NODAL: variants seen among roughly 807,000 people sequenced by gnomAD.
NODAL encodes the protein nodal growth differentiation factor.
NODAL carries 12 observed loss-of-function variants against 34.0 expected under a neutral mutation model. That is an observed-to-expected ratio of 0.35 (90% CI 0.23 to 0.57). NODAL has a LOEUF of 0.57. Among genes scored for constraint, NODAL ranks in the 20% least tolerant of loss-of-function variants. The pLI is 0.83. For synonymous variants in NODAL, 162 were observed against 186.4 expected (o/e 0.87, Z 1.07); for missense variants, 390 against 444.2 (o/e 0.88, Z 1.10).
At chr10:70,440,310 C>CGGCCGCTTTTCGGTTGAGG (rs1191893019) in intron 1 of NODAL, among the ~76,000 whole-genome samples, 1 of 152,166 alleles carries the variant, frequency 6.6e-6, no homozygotes, top group Non-Finnish European at 1.5e-5. Context: ...CTCCCATCCC[C>CGGCCGCTTTTCGGTTGAGG]GGCCGCTTTT....
intron 2 of NODAL, 82 bp downstream of exon 2, chr10:70,435,202 CAT>C: frequency 8.3e-7 from 1 of 1,203,146 alleles, no homozygotes; most frequent in Non-Finnish European, 1.2e-6. Flanking sequence ...AATACAGGAA[CAT>C]AGTCATTTAA....
intron 1 of NODAL, among the ~76,000 whole-genome samples, chr10:70,438,210 C>T (rs1845381708): frequency 1.2e-4 from 18 of 152,290 alleles, no homozygotes; most frequent in African/African-American, 3.9e-4. Flanking sequence ...AGGAGAATCG[C>T]TTGAACCCAG....
At chr10:70,433,180 A>ATC in intron 2 of NODAL, 92 bp from the exon 3 acceptor site, 1 of 1,487,588 alleles carries the variant, frequency 6.7e-7, no homozygotes, top group Admixed American at 1.7e-5. Context: ...TTACGGAGTT[A>ATC]AAGTCAGTTC....
intron 1 of NODAL, among the ~76,000 whole-genome samples, chr10:70,437,157 G>C (rs141758841): frequency 3.3e-5 from 5 of 152,330 alleles, no homozygotes; most frequent in African/African-American, 1.2e-4. Flanking sequence ...TGACTTAATA[G>C]TGATGCCGGG....
chr10:70,432,141 G>A lies in NODAL; in HGVS notation c.*795C>T, dbSNP rs1233267605. On this transcript the variant is annotated 3_prime_UTR_variant, in exon 3 of 3. Coordinates refer to ENST00000287139, the MANE Select transcript of NODAL (RefSeq NM_018055.5). ...CCACTGCTGGATAGGAAGCTCAGAGGCCTCATTAATAGCACACATTGAGAG... is the reference window on the plus strand; with the variant it reads ...CCACTGCTGGATAGGAAGCTCAGAGACCTCATTAATAGCACACATTGAGAG... Among the ~76,000 whole-genome samples the A allele has an allele frequency of 6.6e-6, 1 of 152,220 alleles. No individual in the cohort carries two copies. Among genetic ancestry groups the A allele is most frequent in the Non-Finnish European group, 1.5e-5 (1 of 68,038 alleles).
chr10:70,444,329 CT>C (rs34924993), upstream of NODAL, among the ~76,000 whole-genome samples: 102,047 of 124,214 alleles, frequency 0.82, 41,768 homozygotes, highest in Middle Eastern at 0.89. Context: ...TCCAGTGATA[CT>C]TTTTTTTTTT....
chr10:70,441,554 T>A lies in NODAL; in HGVS notation c.114A>T (p.Pro38=). 6.3e-7 allele frequency: 1 copy of A among 1,586,946 alleles called. No individual in the cohort carries two copies. The highest frequency in any genetic ancestry group is 8.6e-7 in the Non-Finnish European group (1 of 1,168,160). The change falls in exon 1 of 3, where the codon CCA becomes CCT. Residue 38 remains proline, a synonymous_variant. Coordinates refer to ENST00000287139, the MANE Select transcript of NODAL (RefSeq NM_018055.5). Reference sequence around the variant, plus strand: ...GGCTCAGCATGTACGCCAGAGGGGATGGCGACGAGGGCTGCCCCCGCGTAC... The same window carrying A: ...GGCTCAGCATGTACGCCAGAGGGGAAGGCGACGAGGGCTGCCCCCGCGTAC... ...LLRTRGQPSS[P]SPLAYMLSLY...
chr10:70,446,967 G>A (rs983602228), intron 1 of NODAL, among the ~76,000 whole-genome samples: 5 of 151,814 alleles, frequency 3.3e-5, no homozygotes, highest in Non-Finnish European at 7.4e-5. Context: ...TATCTCCCCC[G>A]GTAAACTCCT....
At chr10:70,442,597 C>T (rs1321645851), upstream of NODAL, among the ~76,000 whole-genome samples, 1 of 152,182 alleles carries the variant, frequency 6.6e-6, no homozygotes, top group East Asian at 1.9e-4. Context: ...AAATCCCTGC[C>T]CCAGTGTCTG....
At chr10:70,445,614 G>T (rs144022696), upstream of NODAL, among the ~76,000 whole-genome samples, 58 of 152,294 alleles carry the variant, frequency 3.8e-4, no homozygotes, top group African/African-American at 1.4e-3. Context: ...CATTTATTGA[G>T]CACCTAATGC....
chr10:70,435,143 G>A, intron 2 of NODAL, 143 bp downstream of exon 2: 3 of 738,850 alleles, frequency 4.1e-6, no homozygotes, highest in Non-Finnish European at 6.8e-6. Context: ...CTACATGCCT[G>A]GTACCTAGCA....
chr10:70,436,565 A>C (rs1004307205), intron 1 of NODAL: 2 of 157,778 alleles, frequency 1.3e-5, no homozygotes, highest in African/African-American at 4.9e-5. Context: ...TCTCAAAAAA[A>C]AAAAAAAAAA....
At chr10:70,441,917 T>C (rs1329668562), upstream of NODAL, among the ~76,000 whole-genome samples, 1 of 152,168 alleles carries the variant, frequency 6.6e-6, no homozygotes, top group Admixed American at 6.5e-5. Context: ...TTGCCCGGTC[T>C]GGACACCCTG....
exon 1 of NODAL, chr10:70,447,928 A>T: frequency 2.1e-6 from 1 of 471,110 alleles, no homozygotes; most frequent in Non-Finnish European, 4.4e-6. Flanking sequence ...TTCTACCTTT[A>T]GTCTGTATCC....
chr10:70,436,466 G>A (rs909054778), intron 1 of NODAL: 1 of 216,052 alleles, frequency 4.6e-6, no homozygotes, highest in Non-Finnish European at 9.1e-6. Context: ...CCAGCCACTC[G>A]AGAATCATTT....
At chr10:70,433,300 C>T (rs1309355606) in intron 2 of NODAL, among the ~76,000 whole-genome samples, 3 of 152,056 alleles carry the variant, frequency 2.0e-5, no homozygotes, top group African/African-American at 7.2e-5. Flanking sequence ...TTTGTGAAAA[C>T]AGCCTTTAAA....
Position 70,435,404 on chromosome 10 carries a change from A to G in NODAL, c.773T>C (p.Leu258Pro). 1 of 1,614,208 alleles carries G rather than the reference A, an allele frequency of 6.2e-7. No individual in the cohort carries two copies. The highest frequency in any genetic ancestry group is 8.5e-7 in the Non-Finnish European group (1 of 1,180,032). Residue 258 changes from leucine to proline, a missense_variant, in exon 2 of 3, where the codon CTG (leucine) becomes CCG (proline). By Grantham distance (98) the Leu-to-Pro change is moderately conservative. Transcript: ENST00000287139. ...RKVKFQVDFN[L>P]IGWGSWIIYP... ...GATGATCCAGGAGCCCCATCCGATC[A>G]GGTTGAAGTCCACCTGGAACTTGAC...
upstream of NODAL, among the ~76,000 whole-genome samples, chr10:70,442,253 A>C (rs1336253014): frequency 6.6e-6 from 1 of 152,226 alleles, no homozygotes; most frequent in Non-Finnish European, 1.5e-5. Context: ...GGCAGGAGGG[A>C]CCAGGACGAT....
At position 70,441,627 on chromosome 10, in the gene NODAL, C is replaced by A; in HGVS notation, c.41G>T (p.Trp14Leu). Reference sequence around the variant, plus strand: ...CGCAGCACCCGCCTGGAGTAGGGCCCACCAGGCGTGCAGAAGGAAGGGCAG... The same window carrying A: ...CGCAGCACCCGCCTGGAGTAGGGCCAACCAGGCGTGCAGAAGGAAGGGCAG... ...HCLPFLLHAWWALLQAGAATV... is the reference protein window; with the variant it reads ...HCLPFLLHAWLALLQAGAATV... The change falls in exon 1 of 3, where the codon TGG (tryptophan) becomes TTG (leucine). Residue 14 changes from tryptophan to leucine, a missense_variant. By Grantham distance (61) the Trp-to-Leu change is moderately conservative. Coordinates refer to ENST00000287139, the MANE Select transcript of NODAL (RefSeq NM_018055.5). The A allele has an allele frequency of 1.9e-6, 3 of 1,552,288 alleles. No individual in the cohort carries two copies. Among genetic ancestry groups the A allele is most frequent in the Non-Finnish European group, 2.6e-6 (3 of 1,148,620 alleles).
Sources: allele counts gnomAD v4.1 joint callset (sites outside exome capture counted in the v4.1 genomes callset), GRCh38; gene constraint gnomAD v4.1.1; transcripts MANE v1.5; gene names NCBI Gene and HGNC (gene_info 2026-07-23, HGNC 2026-07-21).